Variants in JAKMIP1 observed in about 807,000 individuals in gnomAD.
The protein encoded by JAKMIP1 is janus kinase and microtubule interacting protein 1, also known as janus kinase and microtubule-interacting protein 1.
In JAKMIP1, 33 loss-of-function variants were observed where a neutral mutation model predicts 113.0. The ratio of observed to expected loss-of-function variants is 0.29; its 90% confidence interval spans 0.22 to 0.39. The LOEUF is 0.39. Ranked by LOEUF, JAKMIP1 falls within the 10% of genes least tolerant of loss-of-function variation. The pLI, the probability that JAKMIP1 is intolerant of heterozygous loss-of-function variation, is 1.00. For synonymous variants in JAKMIP1, 480 were observed against 459.9 expected (o/e 1.04, Z -0.56); for missense variants, 813 against 1,080.5 (o/e 0.75, Z 3.47).
At position 6,089,629 on chromosome 4, in the gene JAKMIP1, T is replaced by C. The variant is rs139479333; in HGVS notation, c.625-4000A>G. 1.0e-3 allele frequency among the ~76,000 whole-genome samples: 153 copies of C among 152,288 alleles called. No individual in the cohort carries two copies. Among genetic ancestry groups the C allele is most frequent in the African/African-American group, 3.5e-3 (146 of 41,564 alleles). On this transcript the variant is annotated intron_variant, in intron 3 of 20. Coordinates refer to ENST00000409021, the MANE Select transcript of JAKMIP1 (RefSeq NM_001099433.2). This position sits in a 1 kb window ranked among gnomAD's most constrained non-coding sequence, Gnocchi z 5.3. ...CCCAAAGGAACAGAGTCCGGTTGTT[T>C]CTAAGCAGTCAAGTCCACCAGGAAA... is the stretch of plus-strand genomic sequence containing the variant.
chr4:6,047,955 A>G (rs1257541148), intron 16 of JAKMIP1, among the ~76,000 whole-genome samples: 1 of 152,244 alleles, frequency 6.6e-6, no homozygotes, highest in South Asian at 2.1e-4. Context: ...GAAGTCAGTA[A>G]GAAAGACAAT....
At chr4:6,190,419 T>C (rs759855440) in intron 1 of JAKMIP1, among the ~76,000 whole-genome samples, 1 of 151,872 alleles carries the variant, frequency 6.6e-6, no homozygotes, top group Non-Finnish European at 1.5e-5. Flanking sequence ...TTTTCCTCTC[T>C]AGACTTGCTC....
chr4:6,125,789 C>G (rs1328570586), intron 1 of JAKMIP1, among the ~76,000 whole-genome samples: 1 of 137,666 alleles, frequency 7.3e-6, no homozygotes, highest in Non-Finnish European at 1.5e-5. Context: ...CAGAAACACA[C>G]ACACACCATA....
chr4:6,060,275 G>A, intron 11 of JAKMIP1, 149 bp downstream of exon 11: 1 of 680,386 alleles, frequency 1.5e-6, no homozygotes. Context: ...TTCGTGCCTG[G>A]GTTCTGCTAG....
intron 20 of JAKMIP1, among the ~76,000 whole-genome samples, chr4:6,029,428 T>C (rs1712296623): frequency 1.3e-5 from 2 of 152,202 alleles, no homozygotes; most frequent in African/African-American, 4.8e-5. Flanking sequence ...ACCTCTTTCC[T>C]AGTGAGACAG....
In JAKMIP1 at chr4:6,080,353, C is replaced by A; in HGVS notation, c.1102-41G>T. Reference sequence around the variant, plus strand: ...GACAGACCACCACAGGGTTACCCGCCAACAGTGTTTGTTAGGGACAGTGCT... The same window carrying A: ...GACAGACCACCACAGGGTTACCCGCAAACAGTGTTTGTTAGGGACAGTGCT... On this transcript the variant is annotated intron_variant, in intron 6 of 20. Coordinates refer to ENST00000409021, the MANE Select transcript of JAKMIP1 (RefSeq NM_001099433.2). The surrounding 1 kb of genome is among the most constrained non-coding windows in gnomAD (Gnocchi z 6.0). The A allele has an allele frequency of 1.2e-6, 2 of 1,604,310 alleles. No individual in the cohort carries two copies. Among genetic ancestry groups the A allele is most frequent in the East Asian group, 2.2e-5 (1 of 44,774 alleles).
chr4:6,124,924 G>T (rs1323918838), intron 1 of JAKMIP1, among the ~76,000 whole-genome samples: 1 of 152,294 alleles, frequency 6.6e-6, no homozygotes, highest in African/African-American at 2.4e-5. Context: ...GGACTATGAG[G>T]CCAGCTGGGT....
intron 1 of JAKMIP1, among the ~76,000 whole-genome samples, chr4:6,125,532 T>C (rs1181190815): frequency 1.3e-5 from 2 of 151,832 alleles, no homozygotes; most frequent in Non-Finnish European, 2.9e-5. Flanking sequence ...ATTCTGTGCA[T>C]GTTACAGACA....
At chr4:6,073,062 A>G (rs1719204065) in intron 8 of JAKMIP1, among the ~76,000 whole-genome samples, 1 of 146,018 alleles carries the variant, frequency 6.8e-6, no homozygotes, top group Non-Finnish European at 1.5e-5. Context: ...TGGGCGACAG[A>G]GAGAAACTCT....
intron 3 of JAKMIP1, among the ~76,000 whole-genome samples, chr4:6,096,860 A>C (rs532378539): frequency 1.3e-5 from 2 of 152,228 alleles, no homozygotes; most frequent in African/African-American, 2.4e-5. Context: ...CTGAAAGGTA[A>C]TTTTATACAA....
Position 6,061,084 on chromosome 4 carries a change from G to T in JAKMIP1, c.1561-577C>A, listed in dbSNP as rs1035846262. On this transcript the variant is annotated intron_variant, in intron 10 of 20. Coordinates refer to ENST00000409021, the MANE Select transcript of JAKMIP1 (RefSeq NM_001099433.2). The surrounding 1 kb of genome is among the most constrained non-coding windows in gnomAD (Gnocchi z 5.3). ...CCAGAGGCACACGTCCCATCTCAGGGAGACACTGCTACCCAGCAGCAGCCA... is the reference window on the plus strand; with the variant it reads ...CCAGAGGCACACGTCCCATCTCAGGTAGACACTGCTACCCAGCAGCAGCCA... 6.6e-6 allele frequency among the ~76,000 whole-genome samples: 1 copy of T among 152,234 alleles called. No homozygotes were observed. Among genetic ancestry groups the T allele is most frequent in the Non-Finnish European group, 1.5e-5 (1 of 68,046 alleles).
intron 1 of JAKMIP1, among the ~76,000 whole-genome samples, chr4:6,132,226 T>C (rs7690867): frequency 0.061 from 9,363 of 152,268 alleles, 925 homozygotes; most frequent in African/African-American, 0.21. Flanking sequence ...TGTTGTTATT[T>C]GAAAGTGGAC....
chr4:6,149,361 A>G (rs1721277090), intron 1 of JAKMIP1, among the ~76,000 whole-genome samples: 1 of 152,196 alleles, frequency 6.6e-6, no homozygotes, highest in African/African-American at 2.4e-5. Context: ...GCGGAGAAGA[A>G]CTGCTTGGCC....
At chr4:6,126,939 C>T (rs924135135) in intron 1 of JAKMIP1, among the ~76,000 whole-genome samples, 3 of 151,638 alleles carry the variant, frequency 2.0e-5, no homozygotes, top group Non-Finnish European at 4.4e-5. Context: ...ACATCATACA[C>T]AAACATACTC....
chr4:6,065,028 T>A lies in JAKMIP1; in HGVS notation c.1303-20A>T, dbSNP rs374012001. On this transcript the variant is annotated intron_variant, in intron 8 of 20. Coordinates refer to ENST00000409021, the MANE Select transcript of JAKMIP1 (RefSeq NM_001099433.2). The surrounding 1 kb of genome is among the most constrained non-coding windows in gnomAD (Gnocchi z 5.1). The stretch of plus-strand genomic sequence containing the variant: ...ATGCTTCTGTAAAACGCAATTTGTA[T>A]GATGTTAGCAACGACTGAGGATTGC... 6.2e-7 allele frequency: 1 copy of A among 1,613,880 alleles called. No homozygotes were observed. The highest frequency in any genetic ancestry group is 8.5e-7 in the Non-Finnish European group (1 of 1,179,970).
At chr4:6,075,966 C>T (rs944189945) in intron 8 of JAKMIP1, among the ~76,000 whole-genome samples, 7 of 152,178 alleles carry the variant, frequency 4.6e-5, no homozygotes, top group African/African-American at 1.4e-4. Flanking sequence ...CACTTGAGGT[C>T]TGGAGTTTGA....
At position 6,155,466 on chromosome 4, in the gene JAKMIP1, G is replaced by A. The variant is rs895357768; in HGVS notation, c.-147-42469C>T. On this transcript the variant is annotated intron_variant, in intron 1 of 20. Transcript: ENST00000409021. The surrounding 1 kb of genome is among the most constrained non-coding windows in gnomAD (Gnocchi z 6.1). ...GTCCAAAAGTGCACAGCTACTAAGC[G>A]GGACTCAAATCCAGACAGTTTGGTT... Among the ~76,000 whole-genome samples, 6 of 152,260 alleles carry A rather than the reference G, an allele frequency of 3.9e-5. No homozygotes were observed. Among genetic ancestry groups the A allele is most frequent in the South Asian group, 4.1e-4 (2 of 4,826 alleles).
At chr4:6,096,122 C>A (rs531151683) in intron 3 of JAKMIP1, among the ~76,000 whole-genome samples, 1 of 152,274 alleles carries the variant, frequency 6.6e-6, no homozygotes, top group East Asian at 1.9e-4. Context: ...AGTGCCTGTG[C>A]AAGGGCCCTG....
intron 1 of JAKMIP1, among the ~76,000 whole-genome samples, chr4:6,125,483 C>A (rs367889335): frequency 1.9e-4 from 29 of 152,244 alleles, no homozygotes; most frequent in African/African-American, 6.3e-4. Flanking sequence ...CTGCACCCAA[C>A]AGACACCTGA....
Sources: gnomAD v4.1 joint callset for allele counts (sites outside exome capture counted in the v4.1 genomes callset) on GRCh38, gnomAD v4.1.1 for gene constraint, Gnocchi (gnomAD v3.1) non-coding constraint, MANE v1.5 for transcripts, NCBI Gene and HGNC (gene_info 2026-07-23, HGNC 2026-07-21) for gene names.